CHRNA2: variants seen among roughly 807,000 people sequenced by gnomAD.
The protein encoded by CHRNA2 is cholinergic receptor nicotinic alpha 2 subunit.
A neutral mutation model predicts 45.5 loss-of-function variants in CHRNA2; 40 were observed. The ratio of observed to expected loss-of-function variants is 0.88; its 90% CI spans 0.68 to 1.15. The LOEUF (loss-of-function observed/expected upper bound fraction) is 1.15. CHRNA2 is among the 50% of genes most tolerant of loss of function. The probability of loss-of-function intolerance (pLI) is 0.00; values close to 1 mark genes in which losing one functional copy is unlikely to be tolerated. For synonymous variants in CHRNA2, 301 were observed against 296.7 expected, an observed-to-expected ratio of 1.01 and a Z score of -0.15; for missense variants, 655 against 701.7, an observed-to-expected ratio of 0.93 and a Z score of 0.75.
chr8:27,463,045 C>T lies in CHRNA2; in HGVS notation c.1398G>A (p.Met466Ile). The change falls in exon 6 of 7, where the codon ATG becomes ATA. Residue 466 changes from methionine (M) to isoleucine (I), a missense_variant. Met to Ile is a conservative substitution (Grantham distance 10). This residue lies in a region of CHRNA2 where 295 missense variants were observed against 280.4 expected (regional missense o/e 1.05). Coordinates refer to ENST00000407991, the MANE Select transcript of CHRNA2 (RefSeq NM_000742.4). The surrounding 1 kb of genome is among the most constrained non-coding windows in gnomAD (Gnocchi z 6.1). ...QEGELLLSPH[M>I]QKALEGVHYI... ...AGTGCACACCTTCCAGTGCCTTCTG[C>T]ATGTGGGGTGATAGCAGCAGCTCAC... 7 of 1,613,870 alleles carry T rather than the reference C, an allele frequency of 4.3e-6. No individual in the cohort carries two copies. The highest frequency in any genetic ancestry group is 5.9e-6 in the Non-Finnish European group (7 of 1,179,776).
chr8:27,469,874 G>T lies in CHRNA2; in HGVS notation c.181C>A (p.Arg61=), dbSNP rs142375828. 6.2e-7 allele frequency: 1 copy of T among 1,614,166 alleles called. No individual in the cohort carries two copies. Among genetic ancestry groups the T allele is most frequent in the Non-Finnish European group, 8.5e-7 (1 of 1,180,038 alleles). ...QGGSHTETED[R]LFKHLFRGYN... The stretch of plus-strand genomic sequence containing the variant: ...CCCCGGAAGAGGTGTTTGAAGAGCC[G>T]GTCCTCAGTCTCGGTATGCGAGCCT... Residue 61 remains arginine (R), a synonymous_variant, in exon 3 of 7, where the codon CGG becomes AGG. Coordinates refer to ENST00000407991, the MANE Select transcript of CHRNA2 (RefSeq NM_000742.4).
At chr8:27,468,642 C>G (rs1314444369) in intron 4 of CHRNA2, among the ~76,000 whole-genome samples, 1 of 152,190 alleles carries the variant, frequency 6.6e-6, no homozygotes, top group Non-Finnish European at 1.5e-5. Context: ...CCATCTGAGT[C>G]CAGCCTTCCA....
Position 27,461,084 on chromosome 8 carries a change from G to T in CHRNA2, c.*545C>A. On this transcript the variant is annotated 3_prime_UTR_variant, in exon 7 of 7. Coordinates refer to ENST00000407991, the MANE Select transcript of CHRNA2 (RefSeq NM_000742.4). ...TACAGCTCAGCACCCTGCAAACTCG[G>T]ACAGACTCCAAACTTCAACCCCAGC... 1 of 174,548 alleles carries T rather than the reference G, an allele frequency of 5.7e-6. No individual in the cohort carries two copies. The highest frequency in any genetic ancestry group is 2.4e-5 in the African/African-American group (1 of 42,178). 10.8% of individuals were successfully genotyped at this position (174,548 alleles called of 1,614,324 possible).
chr8:27,470,302 A>C (rs1301689333), intron 2 of CHRNA2, among the ~76,000 whole-genome samples: 1 of 152,114 alleles, frequency 6.6e-6, no homozygotes, highest in African/African-American at 2.4e-5. Context: ...AGGGAAGTGG[A>C]AGAGACGCCT....
At position 27,479,250 on chromosome 8, in the gene CHRNA2, A is replaced by T. The variant is rs2565060; in HGVS notation, c.-563T>A. 0.16 allele frequency: 23,327 copies of T among 149,124 alleles called. 2,263 individuals are homozygous for T. Among genetic ancestry groups the T allele is most frequent in the Non-Finnish European group, 0.2 (13,520 of 67,862 alleles). 9.2% of individuals were successfully genotyped at this position (149,124 alleles called of 1,614,324 possible). A position where few individuals can be genotyped will look rare whatever the true frequency, so the allele number is the denominator to read the frequency against. The stretch of plus-strand genomic sequence containing the variant: ...GCTCACGCTGTTCTCTCTCTCTCTC[A>T]CACACACACACACATACACACACAC... On this transcript the variant is annotated 5_prime_UTR_variant, in exon 1 of 7. Transcript: ENST00000407991.
chr8:27,469,667 G>A (rs1451785318), intron 3 of CHRNA2, 94 bp downstream of exon 3: 31 of 1,484,218 alleles, frequency 2.1e-5, no homozygotes, highest in Non-Finnish European at 2.9e-5. Flanking sequence ...TGCTGTGCGT[G>A]AGGGCAGGGC....
In CHRNA2 at chr8:27,463,993, A is replaced by T; in HGVS notation, c.450T>A (p.Asn150Lys). Residue 150 changes from asparagine (N) to lysine (K), a missense_variant and splice_region_variant, in exon 6 of 7, where the codon AAT (asparagine) becomes AAA (lysine). By Grantham distance (94) the Asn-to-Lys change is moderately conservative (BLOSUM62 0). Transcript: ENST00000407991. The surrounding 1 kb of genome is among the most constrained non-coding windows in gnomAD (Gnocchi z 6.1). ...IWIPDIVLYN[N>K]ADGEFAVTHM... ...GGGTCACTGCAAACTCCCCATCTGC[A>T]CTGAGAAGAGGAGAGGAGCTGGGGA... The T allele has an allele frequency of 6.2e-7, 1 of 1,614,126 alleles. No individual in the cohort carries two copies. The highest frequency in any genetic ancestry group is 1.1e-5 in the South Asian group (1 of 91,078).
chr8:27,474,548 T>C (rs1347989719), intron 1 of CHRNA2, among the ~76,000 whole-genome samples: 1 of 69,830 alleles, frequency 1.4e-5, no homozygotes, highest in Non-Finnish European at 2.9e-5. Context: ...CGGTTCCCAG[T>C]ATATGTATGG....
In CHRNA2 at chr8:27,463,799, T is replaced by C. The variant is rs546670055; in HGVS notation, c.644A>G (p.Gln215Arg). The change falls in exon 6 of 7, where the codon CAG (glutamine) becomes CGG (arginine). Residue 215 changes from glutamine (Q) to arginine (R), a missense_variant. By Grantham distance (43) the Gln-to-Arg change is conservative. Coordinates refer to ENST00000407991, the MANE Select transcript of CHRNA2 (RefSeq NM_000742.4). This position sits in a 1 kb window ranked among gnomAD's most constrained non-coding sequence, Gnocchi z 6.1. ...CTTCAGGTCCACAGTCTGCTCCATC[T>C]GCTCCAGGTCGATCTTGGCCTTGTC... is the stretch of plus-strand genomic sequence containing the variant. ...TYDKAKIDLE[Q>R]MEQTVDLKDY... 2 of 1,614,206 alleles carry C rather than the reference T, an allele frequency of 1.2e-6. No homozygotes were observed. Among genetic ancestry groups the C allele is most frequent in the African/African-American group, 2.7e-5 (2 of 75,044 alleles).
rs554976506 is a variant in CHRNA2, at chr8:27,463,513, G to A, written c.930C>T (p.Phe310=). 2.7e-4 allele frequency: 432 copies of A among 1,614,230 alleles called. 4 individuals are homozygous for A. In the South Asian group the frequency reaches 4.6e-3, roughly 17 times the overall value. Residue 310 remains phenylalanine, a synonymous_variant, in exon 6 of 7, where the codon TTC becomes TTT. Coordinates refer to ENST00000407991, the MANE Select transcript of CHRNA2 (RefSeq NM_000742.4). This position sits in a 1 kb window ranked among gnomAD's most constrained non-coding sequence, Gnocchi z 6.1. ...GGATGATCTCAGTGATGAGCAGCAG[G>A]AAGACGGTGAGTGACAGCAGCACCG... ...CISVLLSLTV[F]LLLITEIIPS...
intron 4 of CHRNA2, among the ~76,000 whole-genome samples, chr8:27,468,591 T>A (rs922768974): frequency 6.6e-6 from 1 of 152,220 alleles, no homozygotes; most frequent in Non-Finnish European, 1.5e-5. Context: ...CTGACTCCCC[T>A]GCTGGAGAGA....
chr8:27,471,253 T>G, intron 1 of CHRNA2, 59 bp from the exon 2 acceptor site: 1 of 579,550 alleles, frequency 1.7e-6, no homozygotes, highest in Non-Finnish European at 3.1e-6. Flanking sequence ...GGCATATTTC[T>G]GTTTCTCATG....
chr8:27,473,274 T>C (rs138058557), intron 1 of CHRNA2, among the ~76,000 whole-genome samples: 1,804 of 152,272 alleles, frequency 0.012, 14 homozygotes, highest in Middle Eastern at 0.02. Context: ...GGTGAGAATG[T>C]TCTGGAACTA....
At position 27,469,563 on chromosome 8, in the gene CHRNA2, A is replaced by G. The variant is rs567096949; in HGVS notation, c.295-184T>C. 4.5e-4 allele frequency: 386 copies of G among 862,796 alleles called. 2 individuals are homozygous for G. The highest frequency in any genetic ancestry group is 2.5e-3 in the Middle Eastern group (10 of 3,998). 53.4% of individuals were successfully genotyped at this position (862,796 alleles called of 1,614,324 possible). Reference sequence around the variant, plus strand: ...CCAGGGTCACACAGGCACTGCTGCCAATCAATGCCCTCCTAGGAGGGAGCT... The same window carrying G: ...CCAGGGTCACACAGGCACTGCTGCCGATCAATGCCCTCCTAGGAGGGAGCT... On this transcript the variant is annotated intron_variant, in intron 3 of 6. Coordinates refer to ENST00000407991, the MANE Select transcript of CHRNA2 (RefSeq NM_000742.4).
In CHRNA2 at chr8:27,478,143, C is replaced by A. The variant is rs567114963; in HGVS notation, c.-137+681G>T. ...TTCTGCTGTCCAGAACCTCCCCAAGCATACAGGTCTCAGCTTTTTCACAAC... is the reference window on the plus strand; with the variant it reads ...TTCTGCTGTCCAGAACCTCCCCAAGAATACAGGTCTCAGCTTTTTCACAAC... On this transcript the variant is annotated intron_variant, in intron 1 of 6. Coordinates refer to ENST00000407991, the MANE Select transcript of CHRNA2 (RefSeq NM_000742.4). Among the ~76,000 whole-genome samples the A allele has an allele frequency of 2.6e-5, 4 of 152,344 alleles. 1 individual carries two copies. The highest frequency in any genetic ancestry group is 3.4e-3 in the Middle Eastern group (1 of 294).
chr8:27,475,682 A>G (rs1483294252), intron 1 of CHRNA2, among the ~76,000 whole-genome samples: 4 of 152,206 alleles, frequency 2.6e-5, no homozygotes, highest in Non-Finnish European at 4.4e-5. Context: ...ACAGTTAATA[A>G]TGGTTACATT....
chr8:27,464,429 AT>A (rs1292903634), intron 5 of CHRNA2, among the ~76,000 whole-genome samples: 1 of 152,158 alleles, frequency 6.6e-6, no homozygotes, highest in African/African-American at 2.4e-5. Flanking sequence ...AAAGAGTTGA[AT>A]AGACACAAGG....
chr8:27,469,915 G>C lies in CHRNA2; in HGVS notation c.140C>G (p.Thr47Arg), dbSNP rs74772771. ...ATGCGAGCCTCCCTGCGGCAATGCC[G>C]TGGGACTGGGAGAGGAGAGTGGGTC... is the stretch of plus-strand genomic sequence containing the variant. The part of the protein sequence containing the change: ...PGDPLSSPSP[T>R]ALPQGGSHTE... The change falls in exon 3 of 7, where the codon ACG becomes AGG. Residue 47 changes from threonine to arginine, a missense_variant. By Grantham distance (71) the Thr-to-Arg change is moderately conservative (BLOSUM62 -1). Transcript: ENST00000407991. 6.2e-7 allele frequency: 1 copy of C among 1,614,166 alleles called. No homozygotes were observed. Among genetic ancestry groups the C allele is most frequent in the South Asian group, 1.1e-5 (1 of 91,086 alleles).
At position 27,471,103 on chromosome 8, in the gene CHRNA2, G is replaced by T. The variant is rs12114756; in HGVS notation, c.-45C>A. On this transcript the variant is annotated 5_prime_UTR_variant, in exon 2 of 7. Coordinates refer to ENST00000407991, the MANE Select transcript of CHRNA2 (RefSeq NM_000742.4). The stretch of plus-strand genomic sequence containing the variant: ...GAGGTCAGGTCAGGGCTTTGCTGTG[G>T]GTTGCACCATGGACCATGTCCCCAG... 4.9e-4 allele frequency: 762 copies of T among 1,569,574 alleles called. 4 individuals are homozygous for T. In the African/African-American group the frequency reaches 7.2e-3, roughly 15 times the overall value.
Sources: allele counts gnomAD v4.1 joint callset (sites outside exome capture counted in the v4.1 genomes callset), GRCh38; gene constraint gnomAD v4.1.1; regional missense constraint gnomAD v4.1.1; non-coding constraint Gnocchi (gnomAD v3.1); transcripts MANE v1.5; gene names NCBI Gene and HGNC (gene_info 2026-07-23, HGNC 2026-07-21).